Variants in COPA observed in about 807,000 individuals in gnomAD.
COPA encodes the protein coatomer subunit alpha.
Under a neutral mutation model 158.7 loss-of-function variants are expected in COPA, and 10 were observed. That is an observed-to-expected ratio of 0.06 (90% CI 0.04 to 0.11). The LOEUF is 0.11. COPA is among the 10% of genes least tolerant of loss of function. The probability of loss-of-function intolerance (pLI) is 1.00; values close to 1 mark genes in which losing one functional copy is unlikely to be tolerated. For synonymous variants in COPA, 462 were observed against 542.8 expected (o/e 0.85, Z 2.07); for missense variants, 1,065 against 1,536.7 (o/e 0.69, Z 5.13).
intron 8 of COPA, chr1:160,317,756 A>C (rs968325626): frequency 1.7e-6 from 2 of 1,196,292 alleles, no homozygotes; most frequent in African/African-American, 3.0e-5. Flanking sequence ...TCATTTTTAA[A>C]AATAGTTCTT....
chr1:160,301,042 C>T (rs1023450518), intron 17 of COPA, among the ~76,000 whole-genome samples: 24 of 151,920 alleles, frequency 1.6e-4, no homozygotes, highest in African/African-American at 4.8e-4. Flanking sequence ...TGCTTGAACC[C>T]GGGAGGTGGA....
chr1:160,297,867 C>T, intron 19 of COPA, 122 bp from the exon 20 acceptor site: 1 of 1,078,346 alleles, frequency 9.3e-7, no homozygotes, highest in South Asian at 1.6e-5. Flanking sequence ...TTCAATTACT[C>T]CTAGCTTTTA....
At chr1:160,291,618 G>C in intron 30 of COPA, 122 bp from the exon 31 acceptor site, 1 of 1,272,412 alleles carries the variant, frequency 7.9e-7, no homozygotes, top group Non-Finnish European at 1.1e-6. Context: ...ATAAAGCTGA[G>C]AGGTCTTCTA....
Position 160,298,763 on chromosome 1 carries a change from G to A in COPA, c.1977+82C>T. On this transcript the variant is annotated intron_variant, in intron 19 of 32. Transcript: ENST00000241704. ...TTCATTATTCTGGCTAAAGAAGCAA[G>A]CCCAGAATAATGCCCTCCCAATGGC... The A allele has an allele frequency of 2.6e-6, 4 of 1,514,696 alleles. No homozygotes were observed. In the South Asian group the frequency reaches 4.9e-5, roughly 18 times the overall value. The allele number at this position is 1,514,696 out of a possible 1,614,324, so 93.8% of individuals were successfully genotyped here.
At position 160,306,400 on chromosome 1, in the gene COPA, G is replaced by A. The variant is rs1658787005; in HGVS notation, c.1396C>T (p.Leu466Phe). 6.2e-7 allele frequency: 1 copy of A among 1,613,686 alleles called. No individual in the cohort carries two copies. The highest frequency in any genetic ancestry group is 8.5e-7 in the Non-Finnish European group (1 of 1,179,840). Reference sequence around the variant, plus strand: ...AGTGTGATAGAGTCCGCATCTCGAAGCAGGAGATTGCCTGTGCCAGCATAG... The same window carrying A: ...AGTGTGATAGAGTCCGCATCTCGAAACAGGAGATTGCCTGTGCCAGCATAG... ...IFYAGTGNLLLRDADSITLFD... is the reference protein window; with the variant it reads ...IFYAGTGNLLFRDADSITLFD... Residue 466 changes from leucine to phenylalanine, a missense_variant, in exon 15 of 33, where the codon CTT (leucine) becomes TTT (phenylalanine). Around this residue, in one of 2 missense-constraint regions of COPA, gnomAD observed 980 missense variants for 1,357.8 expected, o/e 0.72. Transcript: ENST00000241704.
intron 31 of COPA, 119 bp from the exon 32 acceptor site, chr1:160,290,805 A>G (rs140963151): frequency 2.0e-5 from 18 of 908,996 alleles, no homozygotes; most frequent in Middle Eastern, 3.4e-4. Context: ...GCGTGAAAAG[A>G]GGTCCCAACC....
At chr1:160,331,963 G>C (rs1357776724) in intron 6 of COPA, among the ~76,000 whole-genome samples, 2 of 151,736 alleles carry the variant, frequency 1.3e-5, no homozygotes, top group Non-Finnish European at 2.9e-5. Flanking sequence ...AAAAAAAAAG[G>C]TATTCTGGAC....
chr1:160,306,739 A>G (rs1271393366), intron 14 of COPA, among the ~76,000 whole-genome samples: 9 of 152,244 alleles, frequency 5.9e-5, no homozygotes, highest in East Asian at 1.9e-4. Context: ...GAATTTCTCA[A>G]TGAATGAGAG....
intron 10 of COPA, 42 bp from the exon 11 acceptor site, chr1:160,312,060 C>CA (rs769071979): frequency 1.3e-6 from 2 of 1,589,960 alleles, no homozygotes; most frequent in East Asian, 2.2e-5. Context: ...AAGCTGTAGG[C>CA]AAGAAAAAAA....
At chr1:160,304,427 G>C (rs185794071) in intron 17 of COPA, among the ~76,000 whole-genome samples, 2 of 151,622 alleles carry the variant, frequency 1.3e-5, no homozygotes, top group African/African-American at 4.8e-5. Flanking sequence ...GCACTTTGGG[G>C]GGCCAAGGTG....
intron 1 of COPA, among the ~76,000 whole-genome samples, chr1:160,340,875 T>A (rs1452004397): frequency 6.6e-6 from 1 of 152,204 alleles, no homozygotes; most frequent in Middle Eastern, 3.2e-3. Flanking sequence ...TCTTCTCCGG[T>A]ATTTTGCCCA....
intron 3 of COPA, 61 bp downstream of exon 3, chr1:160,339,848 G>A: frequency 6.7e-7 from 1 of 1,488,848 alleles, no homozygotes; most frequent in Non-Finnish European, 9.3e-7. Flanking sequence ...TTCCTTTCAT[G>A]ATTCCCAAAC....
At chr1:160,334,816 A>G (rs908846802) in intron 4 of COPA, among the ~76,000 whole-genome samples, 1 of 152,126 alleles carries the variant, frequency 6.6e-6, no homozygotes, top group African/African-American at 2.4e-5. Flanking sequence ...CCAGACCCAA[A>G]AATCCTAGGA....
chr1:160,315,906 G>C (rs2101849656), intron 8 of COPA, among the ~76,000 whole-genome samples: 1 of 152,290 alleles, frequency 6.6e-6, no homozygotes, highest in South Asian at 2.1e-4. Context: ...ATTTACCAGA[G>C]AAGTTTAACA....
At chr1:160,312,255 G>C (rs1269215262) in intron 10 of COPA, among the ~76,000 whole-genome samples, 2 of 152,046 alleles carry the variant, frequency 1.3e-5, no homozygotes, top group Non-Finnish European at 2.9e-5. Context: ...GCCCTTTTCT[G>C]TGTTCCCCTA....
intron 25 of COPA, among the ~76,000 whole-genome samples, chr1:160,293,906 AGAAGGCT>A (rs1447487882): frequency 6.6e-6 from 1 of 152,208 alleles, no homozygotes; most frequent in Non-Finnish European, 1.5e-5. Context: ...TAGTTGTGGG[AGAAGGCT>A]GCCAAAATAG....
At chr1:160,331,320 T>C (rs1360467190) in intron 6 of COPA, among the ~76,000 whole-genome samples, 1 of 152,156 alleles carries the variant, frequency 6.6e-6, no homozygotes, top group Non-Finnish European at 1.5e-5. Flanking sequence ...ATCCATAATC[T>C]ATAAATTATT....
intron 1 of COPA, 56 bp from the exon 2 acceptor site, chr1:160,340,350 C>G (rs1254554215): frequency 9.3e-7 from 1 of 1,069,686 alleles, no homozygotes; most frequent in Non-Finnish European, 1.4e-6. Flanking sequence ...ATGTCACCTT[C>G]TGTCAATTCT....
At chr1:160,309,068 A>C (rs368347513) in intron 13 of COPA, 33 bp downstream of exon 13, 4 of 1,559,340 alleles carry the variant, frequency 2.6e-6, no homozygotes, top group African/African-American at 1.4e-5. Context: ...GGAGAGCTGG[A>C]AGCAGAGTGG....
Sources: gnomAD v4.1 joint callset for allele counts (sites outside exome capture counted in the v4.1 genomes callset) on GRCh38, gnomAD v4.1.1 for gene constraint, gnomAD v4.1.1 regional missense constraint, MANE v1.5 for transcripts, NCBI Gene and HGNC (gene_info 2026-07-23, HGNC 2026-07-21) for gene names.